MICAL2: variants seen among roughly 807,000 people sequenced by gnomAD.
The protein encoded by MICAL2 is microtubule associated monooxygenase, calponin and LIM domain containing 2, also known as [F-actin]-monooxygenase MICAL2.
A neutral mutation model predicts 127.3 loss-of-function variants in MICAL2; 77 were observed. The observed-to-expected ratio is 0.60, with a 90% CI of 0.50 to 0.73. The LOEUF is 0.73. Among genes scored for constraint, MICAL2 ranks in the 30% least tolerant of loss-of-function variants. The pLI, the probability that MICAL2 is intolerant of heterozygous loss-of-function variation, is 0.00. For synonymous variants in MICAL2, 570 were observed against 551.1 expected, an observed-to-expected ratio of 1.03 and a Z score of -0.48; for missense variants, 1,351 against 1,434.4, an observed-to-expected ratio of 0.94 and a Z score of 0.94.
At chr11:12,300,286 C>T (rs1452668690) in intron 29 of MICAL2, among the ~76,000 whole-genome samples, 3 of 152,006 alleles carry the variant, frequency 2.0e-5, no homozygotes, top group Admixed American at 2.0e-4. Flanking sequence ...AAGAGCAAAA[C>T]TCCATCTCAA....
chr11:12,204,043 G>A (rs531855472), intron 3 of MICAL2, among the ~76,000 whole-genome samples: 1 of 152,302 alleles, frequency 6.6e-6, no homozygotes, highest in East Asian at 1.9e-4. Context: ...ACTCCTCACA[G>A]GGCTTGGTGC....
chr11:12,264,581 A>G (rs529082375), downstream of MICAL2, among the ~76,000 whole-genome samples: 1 of 152,206 alleles, frequency 6.6e-6, no homozygotes, highest in Non-Finnish European at 1.5e-5. Flanking sequence ...GGCTTCTGAC[A>G]GTGGTATGAA....
At chr11:12,175,587 G>C (rs1303404895) in intron 3 of MICAL2, among the ~76,000 whole-genome samples, 1 of 149,542 alleles carries the variant, frequency 6.7e-6, no homozygotes, top group East Asian at 1.9e-4. Context: ...TGGGGAGTCT[G>C]TGTGTGTGTG....
intron 1 of MICAL2, among the ~76,000 whole-genome samples, chr11:12,124,253 C>T (rs954378229): frequency 1.3e-5 from 2 of 152,098 alleles, no homozygotes; most frequent in South Asian, 2.1e-4. Context: ...AAATGCTTAT[C>T]GAAGGGACCC....
At position 12,131,195 on chromosome 11, in the gene MICAL2, A is replaced by G. The variant is rs550743914; in HGVS notation, c.-148-7195A>G. 4.2e-4 allele frequency among the ~76,000 whole-genome samples: 34 copies of G among 81,916 alleles called. 9 individuals carry two copies. In the Admixed American group the frequency reaches 5.4e-3, roughly 13 times the overall value. 53.7% of individuals were successfully genotyped at this position (81,916 alleles called of 152,430 possible). A position where few individuals can be genotyped will look rare whatever the true frequency, so the allele number is the denominator to read the frequency against. ...GTAGTCCCAGCTACTCGGGAGGCTGAGGCAGGAGAATGGCGTGAACCCGGG... is the reference window on the plus strand; with the variant it reads ...GTAGTCCCAGCTACTCGGGAGGCTGGGGCAGGAGAATGGCGTGAACCCGGG... On this transcript the variant is annotated intron_variant, in intron 1 of 27. Coordinates refer to ENST00000683283, the MANE Select transcript of MICAL2 (RefSeq NM_001282663.2).
intron 1 of MICAL2, among the ~76,000 whole-genome samples, chr11:12,129,514 G>C (rs1399172772): frequency 6.6e-6 from 1 of 151,860 alleles, no homozygotes; most frequent in Non-Finnish European, 1.5e-5. Flanking sequence ...GTTTCAGATT[G>C]ACTCTTCCCC....
intron 3 of MICAL2, among the ~76,000 whole-genome samples, chr11:12,183,949 T>G (rs570776219): frequency 6.6e-6 from 1 of 152,222 alleles, no homozygotes; most frequent in South Asian, 2.1e-4. Context: ...TTGCCTAATT[T>G]TTGTGTGCTT....
At chr11:12,307,657 G>A (rs896637551) in intron 29 of MICAL2, among the ~76,000 whole-genome samples, 1 of 151,930 alleles carries the variant, frequency 6.6e-6, no homozygotes. Flanking sequence ...CATGGGTTTT[G>A]TTGTTGTTGT....
chr11:12,221,628 A>C lies in MICAL2; in HGVS notation c.1207-16A>C, dbSNP rs777941251. ...TCATCAGAATCAACTGGAATTTTGC[A>C]CGTTTTCTTTTGCAGCCATTTTGGC... On this transcript the variant is annotated splice_polypyrimidine_tract_variant and intron_variant, in intron 9 of 27. Coordinates refer to ENST00000683283, the MANE Select transcript of MICAL2 (RefSeq NM_001282663.2). The C allele has an allele frequency of 3.8e-6, 6 of 1,585,648 alleles. No homozygotes were observed. The South Asian group carries it at 6.7e-5, about 18-fold the overall frequency.
At chr11:12,142,736 ATAGG>A (rs1852471967) in intron 2 of MICAL2, among the ~76,000 whole-genome samples, 2 of 152,224 alleles carry the variant, frequency 1.3e-5, no homozygotes, top group Non-Finnish European at 2.9e-5. Flanking sequence ...TCTCTGAGAG[ATAGG>A]CATGGCTACC....
chr11:12,168,518 ACC>A (rs1015847832), intron 3 of MICAL2, among the ~76,000 whole-genome samples: 17 of 150,798 alleles, frequency 1.1e-4, no homozygotes, highest in Non-Finnish European at 2.1e-4. Flanking sequence ...CATACATAAC[ACC>A]ACACACACAC....
At position 12,327,179 on chromosome 11, in the gene MICAL2, C is replaced by T. The variant is rs1325098820; in HGVS notation, c.5428C>T (p.Gln1810Ter). 2 of 1,551,748 alleles carry T rather than the reference C, an allele frequency of 1.3e-6. No individual in the cohort carries two copies. Among genetic ancestry groups the T allele is most frequent in the Non-Finnish European group, 1.7e-6 (2 of 1,147,026 alleles). ...TCTGATCCTGGTGTTGCAGGCCATC[C>T]AGAGGCAGCTGGAGGAGGTGGAGGA... Residue 1810 changes from glutamine to a stop codon, truncating the protein, a stop_gained, in exon 32 of 35, where the codon CAG becomes TAG. Coordinates refer to the MICAL2 transcript ENST00000646065. LOFTEE classifies it high-confidence loss of function.
downstream of MICAL2, chr11:12,292,148 A>G: frequency 6.2e-7 from 1 of 1,613,578 alleles, no homozygotes; most frequent in Non-Finnish European, 8.5e-7. Context: ...GGTAGGTTTG[A>G]CGCCAGTGAA....
intron 2 of MICAL2, among the ~76,000 whole-genome samples, chr11:12,157,390 C>T (rs777247338): frequency 6.6e-6 from 1 of 152,086 alleles, no homozygotes; most frequent in Non-Finnish European, 1.5e-5. Flanking sequence ...ATCTGGGGCC[C>T]TTAATTATAA....
intron 26 of MICAL2, 103 bp from the exon 27 acceptor site, chr11:12,262,377 A>C: frequency 6.3e-7 from 1 of 1,578,180 alleles, no homozygotes; most frequent in African/African-American, 1.4e-5. Flanking sequence ...CTTATTTTCA[A>C]CTCCGGTGCC....
At chr11:12,170,941 C>CA (rs1856176923) in intron 3 of MICAL2, among the ~76,000 whole-genome samples, 8 of 152,376 alleles carry the variant, frequency 5.3e-5, no homozygotes, top group African/African-American at 1.9e-4. Context: ...GAGGAGCGAA[C>CA]TCTGTGGCTC....
At chr11:12,137,108 C>T (rs566104197) in intron 1 of MICAL2, among the ~76,000 whole-genome samples, 156 of 152,322 alleles carry the variant, frequency 1.0e-3, no homozygotes, top group African/African-American at 3.5e-3. Flanking sequence ...GCAGCAGCAC[C>T]GAGCCTGCAG....
intron 1 of MICAL2, among the ~76,000 whole-genome samples, chr11:12,277,579 C>T (rs1173553874): frequency 2.6e-5 from 4 of 152,152 alleles, no homozygotes; most frequent in African/African-American, 9.7e-5. Context: ...TGACAGGCCC[C>T]TGGGTGAGAC....
intron 3 of MICAL2, among the ~76,000 whole-genome samples, chr11:12,200,798 G>A (rs2013262): frequency 0.75 from 113,487 of 152,176 alleles, 46,586 homozygotes; most frequent in Non-Finnish European, 0.92. Flanking sequence ...CGTGCAAAAT[G>A]CATGGCAGCT....
Sources: gnomAD v4.1 joint callset for allele counts (sites outside exome capture counted in the v4.1 genomes callset) on GRCh38, gnomAD v4.1.1 for gene constraint, MANE v1.5 for transcripts, NCBI Gene and HGNC (gene_info 2026-07-23, HGNC 2026-07-21) for gene names.